SLC44A5: variants seen among roughly 807,000 people sequenced by gnomAD.
The protein encoded by SLC44A5 is solute carrier family 44 member 5, also known as choline transporter-like protein 5.
Under a neutral mutation model 101.8 loss-of-function variants are expected in SLC44A5, and 57 were observed. The observed-to-expected ratio is 0.56, with a 90% CI of 0.45 to 0.70. The LOEUF (loss-of-function observed/expected upper bound fraction) is 0.70. Among genes scored for constraint, SLC44A5 ranks in the 30% least tolerant of loss-of-function variants. SLC44A5 has a pLI of 0.00. For missense variants in SLC44A5, 737 were observed against 853.1 expected (o/e 0.86, Z 1.70); for synonymous variants, 281 against 290.9 (o/e 0.97, Z 0.35).
chr1:75,468,543 T>C (rs1260461393), intron 2 of SLC44A5, among the ~76,000 whole-genome samples: 2 of 152,156 alleles, frequency 1.3e-5, no homozygotes. Flanking sequence ...TGGAGGTCAT[T>C]ATGCTAAGTG....
rs144493432 is a variant in SLC44A5, at chr1:75,527,466, G to A, written c.13+13969C>T. Among the ~76,000 whole-genome samples, 77 of 152,160 alleles carry A rather than the reference G, an allele frequency of 5.1e-4. No homozygotes were observed. In the East Asian group the frequency reaches 0.013, roughly 26 times the overall value. On this transcript the variant is annotated intron_variant, in intron 2 of 23. Transcript: ENST00000370859. ...AAAATGGGCTACAATTTGGTGACTT[G>A]GGAACAAAAACATAAAAACATAATA... is the stretch of plus-strand genomic sequence containing the variant.
At chr1:75,417,261 G>T (rs534807379) in intron 2 of SLC44A5, among the ~76,000 whole-genome samples, 1 of 152,220 alleles carries the variant, frequency 6.6e-6, no homozygotes, top group Non-Finnish European at 1.5e-5. Context: ...AAAAATGAGA[G>T]TCTCTCTGCA....
At chr1:75,336,432 G>A (rs1467154733) in intron 4 of SLC44A5, among the ~76,000 whole-genome samples, 1 of 152,138 alleles carries the variant, frequency 6.6e-6, no homozygotes, top group East Asian at 1.9e-4. Flanking sequence ...GGGATTACAG[G>A]CATGATCCAC....
the SLC44A5 span, among the ~76,000 whole-genome samples, chr1:75,660,059 C>T: frequency 6.6e-5 from 10 of 151,940 alleles, no homozygotes; most frequent in African/African-American, 2.4e-4. Context: ...CAAAAATTAG[C>T]CTGGTGTGGT....
At chr1:75,313,702 A>ATACCC (rs1186580709) in intron 4 of SLC44A5, among the ~76,000 whole-genome samples, 2 of 152,124 alleles carry the variant, frequency 1.3e-5, no homozygotes, top group Non-Finnish European at 2.9e-5. Flanking sequence ...TAAAAGTGAC[A>ATACCC]TCTAGAAGCA....
At chr1:75,525,909 G>C (rs1026077274) in intron 2 of SLC44A5, among the ~76,000 whole-genome samples, 1 of 152,172 alleles carries the variant, frequency 6.6e-6, no homozygotes, top group South Asian at 2.1e-4. Context: ...GAGTATACAA[G>C]CGTTCATATT....
intron 20 of SLC44A5, 48 bp downstream of exon 20, chr1:75,214,557 C>A (rs1646923771): frequency 6.8e-7 from 1 of 1,466,336 alleles, no homozygotes. Context: ...ATGTAATGCT[C>A]AAGGTTCACT....
intron 4 of SLC44A5, among the ~76,000 whole-genome samples, chr1:75,333,498 G>A (rs1343234541): frequency 6.9e-6 from 1 of 145,742 alleles, no homozygotes; most frequent in African/African-American, 2.5e-5. Context: ...CCGTCTACAA[G>A]TTATTCCTGA....
chr1:75,657,329 A>T, the SLC44A5 span, among the ~76,000 whole-genome samples: 2 of 152,144 alleles, frequency 1.3e-5, no homozygotes, highest in African/African-American at 4.8e-5. Flanking sequence ...TTGGTTGATC[A>T]CTTGAGCTCA....
chr1:75,411,824 T>C (rs1335664390), intron 2 of SLC44A5, among the ~76,000 whole-genome samples: 1 of 152,274 alleles, frequency 6.6e-6, no homozygotes, highest in Non-Finnish European at 1.5e-5. Flanking sequence ...CCTTAACAGC[T>C]GTCACAGCAC....
chr1:75,392,199 A>G (rs1661837030), intron 3 of SLC44A5, among the ~76,000 whole-genome samples: 2 of 152,200 alleles, frequency 1.3e-5, no homozygotes, highest in South Asian at 4.1e-4. Context: ...GAGCTTCTGC[A>G]CAGCAAGAGA....
the SLC44A5 span, among the ~76,000 whole-genome samples, chr1:75,703,665 A>T: frequency 6.3e-4 from 95 of 151,974 alleles, no homozygotes; most frequent in African/African-American, 2.0e-3. Flanking sequence ...GTATAATAAA[A>T]AAAAAAAAAG....
rs75553429 is a variant in SLC44A5 at position 75,457,896 on chromosome 1, G to A, written c.14-61275C>T. Among the ~76,000 whole-genome samples, 277 of 152,178 alleles carry A rather than the reference G, an allele frequency of 1.8e-3. 2 individuals are homozygous for A. Among genetic ancestry groups the A allele is most frequent in the African/African-American group, 6.5e-3 (268 of 41,528 alleles). ...GTTCACTGAGGTGGAACAACGGAGG[G>A]AGAAACAAGTGGAAGTAAATGTGGT... On this transcript the variant is annotated intron_variant, in intron 2 of 23. Transcript: ENST00000370859.
intron 1 of SLC44A5, among the ~76,000 whole-genome samples, chr1:75,561,687 C>A (rs1212041283): frequency 6.6e-6 from 1 of 152,154 alleles, no homozygotes; most frequent in African/African-American, 2.4e-5. Context: ...TCTCCAACAT[C>A]CTGATAACCC....
At chr1:75,681,371 A>T in the SLC44A5 span, among the ~76,000 whole-genome samples, 1 of 152,096 alleles carries the variant, frequency 6.6e-6, no homozygotes, top group Non-Finnish European at 1.5e-5. Flanking sequence ...AAATACTGGC[A>T]AACCGAATCC....
chr1:75,468,891 T>A (rs546504828), intron 2 of SLC44A5, among the ~76,000 whole-genome samples: 1 of 152,326 alleles, frequency 6.6e-6, no homozygotes, highest in African/African-American at 2.4e-5. Flanking sequence ...TTACATGATG[T>A]GATTATTATA....
At chr1:75,598,529 T>C (rs1256251207) in intron 1 of SLC44A5, among the ~76,000 whole-genome samples, 1 of 151,946 alleles carries the variant, frequency 6.6e-6, no homozygotes, top group Non-Finnish European at 1.5e-5. Flanking sequence ...CAACCTAAAT[T>C]CCCATCAATG....
At chr1:75,604,647 C>T (rs1429739430) in intron 1 of SLC44A5, among the ~76,000 whole-genome samples, 1 of 151,984 alleles carries the variant, frequency 6.6e-6, no homozygotes, top group Non-Finnish European at 1.5e-5. Flanking sequence ...AATCCATGAT[C>T]ATGGAATGTT....
chr1:75,701,943 C>G, the SLC44A5 span, among the ~76,000 whole-genome samples: 1 of 152,104 alleles, frequency 6.6e-6, no homozygotes, highest in Non-Finnish European at 1.5e-5. Flanking sequence ...AGGAATCCAA[C>G]CTACAAGGGA....
Sources: gnomAD v4.1 joint callset for allele counts (sites outside exome capture counted in the v4.1 genomes callset) on GRCh38, gnomAD v4.1.1 for gene constraint, MANE v1.5 for transcripts, NCBI Gene and HGNC (gene_info 2026-07-23, HGNC 2026-07-21) for gene names.